Variants in DYNC1H1 observed in about 807,000 individuals in gnomAD.
DYNC1H1 encodes the protein dynein cytoplasmic 1 heavy chain 1.
In DYNC1H1, 51 loss-of-function variants were observed where a neutral mutation model predicts 527.1. The ratio of observed to expected loss-of-function variants is 0.10; its 90% CI spans 0.08 to 0.12. The LOEUF is 0.12. Ranked by LOEUF, DYNC1H1 falls within the 10% of genes least tolerant of loss-of-function variation. The probability of loss-of-function intolerance (pLI) is 1.00; values close to 1 mark genes in which losing one functional copy is unlikely to be tolerated. For synonymous variants in DYNC1H1, 2,189 were observed against 2,278.8 expected (o/e 0.96, Z 1.12); for missense variants, 2,771 against 5,971.8 (o/e 0.46, Z 17.66).
chr14:101,970,149 C>G (rs2047715011), intron 1 of DYNC1H1, among the ~76,000 whole-genome samples: 2 of 152,032 alleles, frequency 1.3e-5, no homozygotes, highest in African/African-American at 4.8e-5. Flanking sequence ...AAAATGAGCT[C>G]CAGTTTACGT....
rs1948196084 is a variant in DYNC1H1 at position 102,054,061 on chromosome 14, G to A, written c.*3498G>A. 6.6e-6 allele frequency: 1 copy of A among 152,184 alleles called. No homozygotes were observed. Among genetic ancestry groups the A allele is most frequent in the Non-Finnish European group, 1.5e-5 (1 of 68,074 alleles). 9.4% of individuals were successfully genotyped at this position (152,184 alleles called of 1,614,324 possible). A position where few individuals can be genotyped will look rare whatever the true frequency, so the allele number is the denominator to read the frequency against. On this transcript the variant is annotated 3_prime_UTR_variant, in exon 78 of 78. Transcript: ENST00000360184. ...GCTGCAAATGAATTTTTAAAAATGT[G>A]TTAGATCAATATTCATATCACCCAA...
At chr14:101,967,370 G>T (rs939712234) in intron 1 of DYNC1H1, among the ~76,000 whole-genome samples, 1 of 152,214 alleles carries the variant, frequency 6.6e-6, no homozygotes, top group African/African-American at 2.4e-5. Flanking sequence ...ATGAAGTCAT[G>T]TAATTTAATG....
chr14:102,011,329 T>C lies in DYNC1H1; in HGVS notation c.6618+377T>C, dbSNP rs2048256225. ...TGTATTGGCTTCTTTCCTTCCTCTA[T>C]GTGATTCATTTAAGAAAAAGTTTAT... On this transcript the variant is annotated intron_variant, in intron 32 of 77. Coordinates refer to ENST00000360184, the MANE Select transcript of DYNC1H1 (RefSeq NM_001376.5). This position sits in a 1 kb window ranked among gnomAD's most constrained non-coding sequence, Gnocchi z 5.3. 2.8e-6 allele frequency: 1 copy of C among 362,818 alleles called. No homozygotes were observed. Among genetic ancestry groups the C allele is most frequent in the Non-Finnish European group, 5.3e-6 (1 of 189,090 alleles). The allele number at this position is 362,818 out of a possible 1,614,324, so 22.5% of individuals were successfully genotyped here. A position where few individuals can be genotyped will look rare whatever the true frequency, so the allele number is the denominator to read the frequency against.
At chr14:102,046,639 G>C (rs577428175) in intron 72 of DYNC1H1, among the ~76,000 whole-genome samples, 2 of 152,340 alleles carry the variant, frequency 1.3e-5, no homozygotes, top group East Asian at 3.9e-4. Context: ...TCTGAGTTAA[G>C]AGGGCAGGTG....
intron 43 of DYNC1H1, 115 bp from the exon 44 acceptor site, chr14:102,026,459 C>G (rs765691799): frequency 4.3e-6 from 5 of 1,158,512 alleles, no homozygotes; most frequent in Non-Finnish European, 6.2e-6. Context: ...ATAAATGATA[C>G]CTTTTTTGTT....
At chr14:102,019,835 C>T in intron 41 of DYNC1H1, 58 bp from the exon 42 acceptor site, 1 of 1,606,912 alleles carries the variant, frequency 6.2e-7, no homozygotes, top group South Asian at 1.1e-5. Context: ...TACCTTTTGA[C>T]CACTTCTCTG....
intron 51 of DYNC1H1, 119 bp downstream of exon 51, chr14:102,030,401 A>C: frequency 6.7e-7 from 1 of 1,481,840 alleles, no homozygotes; most frequent in South Asian, 1.2e-5. Flanking sequence ...TGGTTTCCAA[A>C]AATATCATTA....
chr14:102,010,544 C>T lies in DYNC1H1; in HGVS notation c.6405+85C>T. The T allele has an allele frequency of 1.9e-6, 3 of 1,557,752 alleles. No individual in the cohort carries two copies. Among genetic ancestry groups the T allele is most frequent in the East Asian group, 2.4e-5 (1 of 41,672 alleles). ...ACATTTAAGCCATGACTTGTGAGTT[C>T]TTCTTGCAGTTCACATGTCTTGGGA... On this transcript the variant is annotated intron_variant, in intron 31 of 77. Transcript: ENST00000360184. This position sits in a 1 kb window ranked among gnomAD's most constrained non-coding sequence, Gnocchi z 6.0.
chr14:102,019,167 C>T (rs553075671), intron 41 of DYNC1H1, among the ~76,000 whole-genome samples: 1 of 152,214 alleles, frequency 6.6e-6, no homozygotes, highest in Non-Finnish European at 1.5e-5. Context: ...ATAAAGGCTG[C>T]ATATCTGCCA....
At position 102,027,151 on chromosome 14, in the gene DYNC1H1, G is replaced by A. The variant is rs776979465; in HGVS notation, c.8772-23G>A. ...ATGAGGCATTATAAGCCTTAACATT[G>A]ATCAGTTCTCGTAATGTTTCAGAAT... On this transcript the variant is annotated intron_variant, in intron 44 of 77. Transcript: ENST00000360184. The surrounding 1 kb of genome is among the most constrained non-coding windows in gnomAD (Gnocchi z 7.7). 3 of 1,607,598 alleles carry A rather than the reference G, an allele frequency of 1.9e-6. No individual in the cohort carries two copies. Among genetic ancestry groups the A allele is most frequent in the Non-Finnish European group, 8.5e-7 (1 of 1,174,092 alleles).
chr14:102,034,938 A>C (rs1028866088), intron 56 of DYNC1H1: 2 of 243,042 alleles, frequency 8.2e-6, no homozygotes, highest in East Asian at 1.0e-4. Context: ...AAAAAAAAAA[A>C]CATAAAAATA....
chr14:101,999,038 C>T (rs1057043206), intron 16 of DYNC1H1, among the ~76,000 whole-genome samples: 5 of 151,856 alleles, frequency 3.3e-5, no homozygotes, highest in Non-Finnish European at 5.9e-5. Context: ...CCCGCCACCA[C>T]GCCTGGCTAA....
rs2048572381 is a variant in DYNC1H1, at chr14:102,036,141, A to C, written c.10755-348A>C. ...ATCCCTTGCTGCTGCGACATCATTGATGTTGATACGTGCTGTCTAGAAGGA... is the reference window on the plus strand; with the variant it reads ...ATCCCTTGCTGCTGCGACATCATTGCTGTTGATACGTGCTGTCTAGAAGGA... On this transcript the variant is annotated intron_variant, in intron 56 of 77. Coordinates refer to ENST00000360184, the MANE Select transcript of DYNC1H1 (RefSeq NM_001376.5). The surrounding 1 kb of genome is among the most constrained non-coding windows in gnomAD (Gnocchi z 5.6). The C allele has an allele frequency of 3.4e-6, 1 of 297,958 alleles. No homozygotes were observed. Among genetic ancestry groups the C allele is most frequent in the Admixed American group, 4.7e-5 (1 of 21,236 alleles). 18.5% of individuals were successfully genotyped at this position (297,958 alleles called of 1,614,324 possible). A position where few individuals can be genotyped will look rare whatever the true frequency, so the allele number is the denominator to read the frequency against.
intron 15 of DYNC1H1, among the ~76,000 whole-genome samples, chr14:101,995,610 CAAAAAA>C (rs1298603384): frequency 1.2e-5 from 1 of 85,152 alleles, no homozygotes; most frequent in Middle Eastern, 8.6e-3. Flanking sequence ...GACTCCGTCT[CAAAAAA>C]AAAAAAAAAA....
intron 13 of DYNC1H1, 28 bp from the exon 14 acceptor site, chr14:101,994,958 G>A (rs1445579940): frequency 6.2e-7 from 1 of 1,613,372 alleles, no homozygotes; most frequent in Admixed American, 1.7e-5. Flanking sequence ...AAGAGCTGAT[G>A]ATGTGTTGTG....
intron 2 of DYNC1H1, among the ~76,000 whole-genome samples, chr14:101,976,348 C>G (rs1238341504): frequency 6.6e-6 from 1 of 151,046 alleles, no homozygotes; most frequent in East Asian, 2.0e-4. Flanking sequence ...TTTGAGACCA[C>G]CCTGACCAAC....
At position 101,983,357 on chromosome 14, in the gene DYNC1H1, C is replaced by G; in HGVS notation, c.1234-25C>G. ...GATGAAAATATGTCTTAATAATAAG[C>G]CTCACTTTTGAAATTATATCCTAGG... On this transcript the variant is annotated intron_variant, in intron 6 of 77. Coordinates refer to ENST00000360184, the MANE Select transcript of DYNC1H1 (RefSeq NM_001376.5). The surrounding 1 kb of genome is among the most constrained non-coding windows in gnomAD (Gnocchi z 5.3). 6.2e-7 allele frequency: 1 copy of G among 1,613,892 alleles called. No individual in the cohort carries two copies. Among genetic ancestry groups the G allele is most frequent in the Non-Finnish European group, 8.5e-7 (1 of 1,179,858 alleles).
chr14:101,966,256 AT>A (rs976798964), intron 1 of DYNC1H1, among the ~76,000 whole-genome samples: 1 of 152,178 alleles, frequency 6.6e-6, no homozygotes, highest in African/African-American at 2.4e-5. Flanking sequence ...CCTGCCAGAG[AT>A]TAGCAGGGTG....
rs2048377675 is a variant in DYNC1H1 at position 102,020,989 on chromosome 14, GC to G, written c.8507+936del. 6.6e-6 allele frequency among the ~76,000 whole-genome samples: 1 copy of G among 152,118 alleles called. No homozygotes were observed. Among genetic ancestry groups the G allele is most frequent in the South Asian group, 2.1e-4 (1 of 4,832 alleles). ...AGTGCAGAGTATGTTGGCTGTGGCAGCCCTGTTTTTATTTCTTATTGGAGTT... is the reference window on the plus strand; with the variant it reads ...AGTGCAGAGTATGTTGGCTGTGGCAGCCTGTTTTTATTTCTTATTGGAGTT... On this transcript the variant is annotated intron_variant, in intron 42 of 77. Transcript: ENST00000360184. This position sits in a 1 kb window ranked among gnomAD's most constrained non-coding sequence, Gnocchi z 4.3.
Sources: gnomAD v4.1 joint callset for allele counts (sites outside exome capture counted in the v4.1 genomes callset) on GRCh38, gnomAD v4.1.1 for gene constraint, Gnocchi (gnomAD v3.1) non-coding constraint, MANE v1.5 for transcripts, NCBI Gene and HGNC (gene_info 2026-07-23, HGNC 2026-07-21) for gene names.